The following EPB41L3 variants were observed in gnomAD, a reference collection of about 807,000 sequenced individuals.
EPB41L3 encodes band 4.1-like protein 3.
In EPB41L3, 57 loss-of-function variants were observed where a neutral mutation model predicts 127.1. That is an observed-to-expected ratio of 0.45 (90% CI 0.36 to 0.56). The LOEUF is 0.56. EPB41L3 is among the 20% of genes least tolerant of loss of function. The pLI, the probability that EPB41L3 is intolerant of heterozygous loss-of-function variation, is 0.00. For synonymous variants in EPB41L3, 572 were observed against 549.5 expected, an observed-to-expected ratio of 1.04 and a Z score of -0.57; for missense variants, 1,273 against 1,372.2, an observed-to-expected ratio of 0.93 and a Z score of 1.14.
At position 5,443,701 on chromosome 18, in the gene EPB41L3, A is replaced by T. The variant is rs908467887; in HGVS notation, c.529+137T>A. The T allele has an allele frequency of 1.3e-5, 8 of 631,578 alleles. No homozygotes were observed. The Admixed American group carries it at 2.7e-4, about 21-fold the overall frequency. The allele number at this position is 631,578 out of a possible 1,614,324, so 39.1% of individuals were successfully genotyped here. On this transcript the variant is annotated intron_variant, in intron 5 of 22. Transcript: ENST00000341928. ...TTGTGACAACTACAAAATGAATACT[A>T]TCGGAATTGCCAGATCAAATTTGAG...
intron 4 of EPB41L3, among the ~76,000 whole-genome samples, chr18:5,444,247 G>C (rs1237083423): frequency 6.6e-6 from 1 of 152,226 alleles, no homozygotes; most frequent in East Asian, 1.9e-4. Flanking sequence ...TGATATCCTA[G>C]CCATTCAGTT....
chr18:5,445,226 C>A lies in EPB41L3; in HGVS notation c.400G>T (p.Val134Leu). Residue 134 changes from valine to leucine, a missense_variant, in exon 4 of 23, where the codon GTG becomes TTG. Val to Leu is a conservative substitution (Grantham distance 32, BLOSUM62 1). Transcript: ENST00000341928. ...CDVEKRSRGQ[V>L]LFDKVCEHLN... The stretch of plus-strand genomic sequence containing the variant: ...TGTTCACACACTTTATCAAACAGCA[C>A]TTGTCCTCTGGAGCGTTTCTACAGA... 3 of 1,613,964 alleles carry A rather than the reference C, an allele frequency of 1.9e-6. No homozygotes were observed. In the South Asian group the frequency reaches 3.3e-5, roughly 18 times the overall value.
intron 2 of EPB41L3, among the ~76,000 whole-genome samples, chr18:5,484,102 A>AC (rs2089206672): frequency 8.0e-6 from 1 of 125,750 alleles, no homozygotes; most frequent in African/African-American, 3.6e-5. Flanking sequence ...AAAAAAAAAA[A>AC]AAAAAAAAAA....
intron 3 of EPB41L3, among the ~76,000 whole-genome samples, chr18:5,452,769 G>A (rs1172716776): frequency 7.0e-6 from 1 of 142,916 alleles, no homozygotes; most frequent in East Asian, 2.1e-4. Flanking sequence ...AACCAGAAAT[G>A]TTTAAAAATT....
At chr18:5,550,860 A>G (rs75947551) in intron 3 of EPB41L3, among the ~76,000 whole-genome samples, 4,643 of 152,182 alleles carry the variant, frequency 0.031, 123 homozygotes, top group Non-Finnish European at 0.042. Context: ...ATCCCCAACA[A>G]CTTCTCAATT....
At chr18:5,478,943 A>C (rs184432597) in intron 2 of EPB41L3, among the ~76,000 whole-genome samples, 25 of 152,350 alleles carry the variant, frequency 1.6e-4, no homozygotes, top group African/African-American at 5.3e-4. Context: ...CAACTGTTAA[A>C]ATGTTTAATT....
At chr18:5,580,473 TAC>T (rs1370540835) in intron 3 of EPB41L3, among the ~76,000 whole-genome samples, 1 of 152,116 alleles carries the variant, frequency 6.6e-6, no homozygotes, top group Admixed American at 6.5e-5. Context: ...AATATATAGA[TAC>T]AGACTCATAT....
intron 3 of EPB41L3, among the ~76,000 whole-genome samples, chr18:5,550,215 T>TAG (rs2093945656): frequency 6.6e-6 from 1 of 152,118 alleles, no homozygotes; most frequent in Non-Finnish European, 1.5e-5. Flanking sequence ...ACCCTGCAAA[T>TAG]AGAGAATTTC....
intron 1 of EPB41L3, among the ~76,000 whole-genome samples, chr18:5,515,056 T>C (rs958557481): frequency 2.6e-5 from 4 of 152,330 alleles, no homozygotes; most frequent in Admixed American, 6.5e-5. Context: ...TGGGGTGCTT[T>C]TCACAAGTGT....
At chr18:5,428,946 T>A (rs896671608) in intron 8 of EPB41L3, among the ~76,000 whole-genome samples, 5 of 152,222 alleles carry the variant, frequency 3.3e-5, no homozygotes, top group African/African-American at 1.2e-4. Flanking sequence ...AACCAACACG[T>A]ATGCTAACAA....
At chr18:5,620,905 T>TTAC (rs1008732115) in intron 1 of EPB41L3, among the ~76,000 whole-genome samples, 1 of 152,128 alleles carries the variant, frequency 6.6e-6, no homozygotes, top group Admixed American at 6.5e-5. Flanking sequence ...TCTCTCCATA[T>TTAC]TACTCCTTTG....
intron 1 of EPB41L3, among the ~76,000 whole-genome samples, chr18:5,502,305 A>G (rs553280682): frequency 4.5e-5 from 6 of 133,400 alleles, no homozygotes; most frequent in African/African-American, 6.9e-5. Flanking sequence ...ATAAATTTGG[A>G]AAAAAAAAAA....
chr18:5,629,736 C>T (rs1353716640), upstream of EPB41L3, among the ~76,000 whole-genome samples: 1 of 152,190 alleles, frequency 6.6e-6, no homozygotes, highest in Non-Finnish European at 1.5e-5. Context: ...TCACTCCTGC[C>T]CTCCTCGCAA....
chr18:5,426,522 G>A (rs2078209021), intron 9 of EPB41L3, among the ~76,000 whole-genome samples: 1 of 152,122 alleles, frequency 6.6e-6, no homozygotes, highest in Non-Finnish European at 1.5e-5. Context: ...CTAAGTCGTT[G>A]AATTTCATTA....
intron 12 of EPB41L3, among the ~76,000 whole-genome samples, chr18:5,416,651 T>C (rs2076864924): frequency 6.6e-6 from 1 of 152,196 alleles, no homozygotes; most frequent in Admixed American, 6.5e-5. Context: ...TCCCAAAGTC[T>C]ACACATTTCA....
chr18:5,433,829 G>A (rs751645357), intron 7 of EPB41L3, 74 bp downstream of exon 7: 99 of 1,486,726 alleles, frequency 6.7e-5, no homozygotes, highest in Non-Finnish European at 9.0e-5. Flanking sequence ...AATCAGTACT[G>A]GGAAGAGGTG....
intron 16 of EPB41L3, among the ~76,000 whole-genome samples, chr18:5,402,578 A>G: frequency 6.6e-6 from 1 of 152,184 alleles, no homozygotes; most frequent in East Asian, 1.9e-4. Context: ...ATAAACAGGT[A>G]ACATAGGGAG....
intron 1 of EPB41L3, among the ~76,000 whole-genome samples, chr18:5,625,048 A>C (rs923022884): frequency 6.6e-6 from 1 of 152,166 alleles, no homozygotes; most frequent in Non-Finnish European, 1.5e-5. Flanking sequence ...GAGAGTTGCC[A>C]TGGGTTTCCT....
At chr18:5,577,345 G>A (rs567015685) in intron 3 of EPB41L3, 9 of 453,744 alleles carry the variant, frequency 2.0e-5, no homozygotes, top group African/African-American at 1.4e-4. Context: ...AATCCTAAGA[G>A]AGACTTTGAG....
Sources: allele counts gnomAD v4.1 joint callset (sites outside exome capture counted in the v4.1 genomes callset), GRCh38; gene constraint gnomAD v4.1.1; transcripts MANE v1.5; gene names NCBI Gene and HGNC (gene_info 2026-07-23, HGNC 2026-07-21).